CCDC66: variants seen among roughly 807,000 people sequenced by gnomAD.
CCDC66 encodes coiled-coil domain containing 66.
Under a neutral mutation model 128.3 loss-of-function variants are expected in CCDC66, and 133 were observed. The ratio of observed to expected loss-of-function variants is 1.04; its 90% CI spans 0.90 to 1.20. CCDC66 has a LOEUF of 1.20. CCDC66 is among the 50% of genes most tolerant of loss of function. The pLI, the probability that CCDC66 is intolerant of heterozygous loss-of-function variation, is 0.00. For synonymous variants in CCDC66, 387 were observed against 357.0 expected, an observed-to-expected ratio of 1.08 and a Z score of -0.95; for missense variants, 1,126 against 1,075.5, an observed-to-expected ratio of 1.05 and a Z score of -0.66.
rs149176783 is a variant in CCDC66 at position 56,598,150 on chromosome 3, TTTTGTTTG to T, written c.1404+4146_1404+4153del. On this transcript the variant is annotated intron_variant, in intron 10 of 17. Transcript: ENST00000394672. ...TTTGATTTTAGTTTGTTTTGTTTTG[TTTTGTTTG>T]TTTGTTTGTTTGTTTGTTTGTTTTG... Among the ~76,000 whole-genome samples, 262 of 109,232 alleles carry T rather than the reference TTTTGTTTG, an allele frequency of 2.4e-3. 3 individuals are homozygous for T. Among genetic ancestry groups the T allele is most frequent in the Middle Eastern group, 0.011 (2 of 174 alleles). 71.7% of individuals were successfully genotyped at this position (109,232 alleles called of 152,430 possible).
chr3:56,565,095 C>A, intron 4 of CCDC66: 1 of 373,788 alleles, frequency 2.7e-6, no homozygotes, highest in South Asian at 1.9e-5. Context: ...TTTGAGCCAT[C>A]CTGTGAGCCC....
chr3:56,621,567 TCTC>T lies in CCDC66; in HGVS notation c.2799_2801del (p.Leu934del). Reference sequence around the variant, plus strand: ...AGAAGCAAAAGGAGTTGGAAAGTAGTCTCCTGCCTTTAGCTGAAAATCAAGAAG... The same window carrying T: ...AGAAGCAAAAGGAGTTGGAAAGTAGTCTGCCTTTAGCTGAAAATCAAGAAG... On this transcript the variant is annotated inframe_deletion, in exon 18 of 18. Coordinates refer to ENST00000394672, the MANE Select transcript of CCDC66 (RefSeq NM_001141947.3). 3 of 1,602,092 alleles carry T rather than the reference TCTC, an allele frequency of 1.9e-6. No homozygotes were observed. The highest frequency in any genetic ancestry group is 1.7e-4 in the Middle Eastern group (1 of 6,004).
rs1256192681 is a variant in CCDC66, at chr3:56,593,506, A to G, written c.1084A>G (p.Arg362Gly). 6.2e-7 allele frequency: 1 copy of G among 1,614,216 alleles called. No individual in the cohort carries two copies. The highest frequency in any genetic ancestry group is 1.7e-5 in the Admixed American group (1 of 60,026). The stretch of plus-strand genomic sequence containing the variant: ...TCATCATTAGGGTGAGGAACATGAC[A>G]GATGGGCAATGCACTTTGATTCATT... ...IIYSKGEEHD[R>G]WAMHFDSLKS... Residue 362 changes from arginine (R) to glycine (G), a missense_variant, in exon 9 of 18, where the codon AGA (arginine) becomes GGA (glycine). Arg to Gly is a moderately radical substitution (Grantham distance 125, BLOSUM62 -2). Transcript: ENST00000394672.
At chr3:56,569,176 T>C (rs56126040) in intron 6 of CCDC66, 11,462 of 163,296 alleles carry the variant, frequency 0.07, 670 homozygotes, top group East Asian at 0.3. Context: ...ACCCTATCTC[T>C]ACAAAAAAAC....
chr3:56,601,450 G>A (rs371277600), intron 10 of CCDC66, among the ~76,000 whole-genome samples: 5 of 152,006 alleles, frequency 3.3e-5, no homozygotes, highest in South Asian at 2.1e-4. Flanking sequence ...TGTGTTGGCT[G>A]TTTGGGCTGT....
chr3:56,612,386 C>T (rs1387180707), intron 10 of CCDC66, among the ~76,000 whole-genome samples: 1 of 152,090 alleles, frequency 6.6e-6, no homozygotes, highest in Non-Finnish European at 1.5e-5. Flanking sequence ...CCAAATGGAC[C>T]AGTCGTTAGG....
intron 15 of CCDC66, 77 bp from the exon 16 acceptor site, chr3:56,619,194 A>C (rs9850003): frequency 8.2e-7 from 1 of 1,215,346 alleles, no homozygotes; most frequent in African/African-American, 1.5e-5. Context: ...ACTTCATCTC[A>C]TAAATAAAGT....
At chr3:56,615,022 C>A in intron 11 of CCDC66, 106 bp from the exon 12 acceptor site, 1 of 1,151,048 alleles carries the variant, frequency 8.7e-7, no homozygotes, top group Non-Finnish European at 1.2e-6. Context: ...AGTGTCTAAA[C>A]AAGTGCCTGA....
At chr3:56,597,347 T>G (rs1320863443) in intron 10 of CCDC66, among the ~76,000 whole-genome samples, 1 of 152,088 alleles carries the variant, frequency 6.6e-6, no homozygotes, top group Non-Finnish European at 1.5e-5. Context: ...CCTTCAGCTT[T>G]GTTCTTTTGA....
chr3:56,617,577 C>G lies in CCDC66; in HGVS notation c.2309C>G (p.Ser770Ter). The change falls in exon 14 of 18, where the codon TCA becomes TGA. Residue 770 changes from serine to a stop codon, truncating the protein, a stop_gained. Coordinates refer to ENST00000394672, the MANE Select transcript of CCDC66 (RefSeq NM_001141947.3). LOFTEE classifies it high-confidence loss of function. ...CATTCATCTCATCAAGAAACGGAGT[C>G]AAAGTTGAGGTGGCATCTAGTCAAA... The part of the protein sequence containing the change: ...IFHSSHQETE[S>*]KLRWHLVKKE... The G allele has an allele frequency of 1.2e-6, 2 of 1,606,494 alleles. No individual in the cohort carries two copies. The highest frequency in any genetic ancestry group is 1.7e-6 in the Non-Finnish European group (2 of 1,177,976).
intron 7 of CCDC66, among the ~76,000 whole-genome samples, chr3:56,579,022 T>C (rs966539353): frequency 6.6e-6 from 1 of 151,904 alleles, no homozygotes; most frequent in African/African-American, 2.4e-5. Context: ...CGAATTTGGC[T>C]GTGAATCCGT....
rs1195553864 is a variant in CCDC66, at chr3:56,617,222, C to T, written c.1954C>T (p.Gln652Ter). 2 of 1,613,402 alleles carry T rather than the reference C, an allele frequency of 1.2e-6. No individual in the cohort carries two copies. The highest frequency in any genetic ancestry group is 1.1e-5 in the South Asian group (1 of 90,880). Residue 652 changes from glutamine (Q) to a stop codon, truncating the protein, a stop_gained, in exon 14 of 18, where the codon CAG becomes TAG. Transcript: ENST00000394672. LOFTEE classifies it high-confidence loss of function. ...TGAGATTTCGGCAGAACTTATTGGA[C>T]AGTTTAGCACCAAGAAAAACAAGCA... ...SPEISAELIG[Q>*]FSTKKNKQEL...
chr3:56,619,605 T>C, intron 16 of CCDC66, 78 bp downstream of exon 16: 2 of 1,508,310 alleles, frequency 1.3e-6, no homozygotes, highest in Non-Finnish European at 1.8e-6. Flanking sequence ...AATTCCAAAT[T>C]AGTAATTCCT....
At chr3:56,566,830 A>C in intron 5 of CCDC66, 71 bp downstream of exon 5, 1 of 1,507,070 alleles carries the variant, frequency 6.6e-7, no homozygotes, top group Non-Finnish European at 9.1e-7. Flanking sequence ...CTTTACTTGC[A>C]TGTGAAATAG....
chr3:56,589,446 A>T (rs186418750), intron 7 of CCDC66, among the ~76,000 whole-genome samples: 11 of 152,316 alleles, frequency 7.2e-5, no homozygotes, highest in African/African-American at 2.6e-4. Context: ...ACCAAAACCC[A>T]ACAGGAAATA....
At chr3:56,584,749 A>C (rs1349548609) in intron 7 of CCDC66, among the ~76,000 whole-genome samples, 2 of 151,820 alleles carry the variant, frequency 1.3e-5, no homozygotes, top group African/African-American at 4.8e-5. Context: ...GTGGCTGGGA[A>C]GTGGAGGTTG....
intron 7 of CCDC66, among the ~76,000 whole-genome samples, chr3:56,585,880 A>G (rs2069606997): frequency 6.6e-6 from 1 of 151,958 alleles, no homozygotes; most frequent in Non-Finnish European, 1.5e-5. Flanking sequence ...GGTCAAAATT[A>G]AAACAATTTA....
Position 56,580,318 on chromosome 3 carries a change from G to T in CCDC66, c.936+9016G>T, listed in dbSNP as rs531406094. Among the ~76,000 whole-genome samples, 196 of 151,716 alleles carry T rather than the reference G, an allele frequency of 1.3e-3. 2 individuals are homozygous for T. The highest frequency in any genetic ancestry group is 4.6e-3 in the African/African-American group (190 of 41,490). On this transcript the variant is annotated intron_variant, in intron 7 of 17. Transcript: ENST00000394672. ...CTGTGTGTGTCTCTGCATGTGAGAT[G>T]GGTCTCCGGAATACAGCACACTGAT...
At chr3:56,558,657 T>C (rs2064693824) in intron 1 of CCDC66, 189 bp from the exon 2 acceptor site, 1 of 604,150 alleles carries the variant, frequency 1.7e-6, no homozygotes, top group Non-Finnish European at 3.0e-6. Flanking sequence ...TCAAGAATTT[T>C]CCCCCTGTAG....
Sources: gnomAD v4.1 joint callset for allele counts (sites outside exome capture counted in the v4.1 genomes callset) on GRCh38, gnomAD v4.1.1 for gene constraint, MANE v1.5 for transcripts, NCBI Gene and HGNC (gene_info 2026-07-23, HGNC 2026-07-21) for gene names.